Variants in FHIT observed in about 807,000 individuals in gnomAD.
FHIT encodes bis(5'-adenosyl)-triphosphatase.
Under a neutral mutation model 17.9 loss-of-function variants are expected in FHIT, and 19 were observed. The observed-to-expected ratio is 1.06, with a 90% CI of 0.74 to 1.56. The LOEUF (loss-of-function observed/expected upper bound fraction) is 1.56. FHIT is among the 40% of genes most tolerant of loss of function. FHIT has a pLI of 0.00. For missense variants in FHIT, 248 were observed against 189.2 expected (o/e 1.31, Z -1.82); for synonymous variants, 81 against 69.7 (o/e 1.16, Z -0.81).
At chr3:61,010,330 C>T (rs995506045) in intron 3 of FHIT, among the ~76,000 whole-genome samples, 2 of 152,110 alleles carry the variant, frequency 1.3e-5, no homozygotes, top group African/African-American at 4.8e-5. Context: ...CCATATTTTC[C>T]ACTTAGGGTA....
At position 61,197,731 on chromosome 3, in the gene FHIT, C is replaced by T. The variant is rs575596894; in HGVS notation, c.-164+2886G>A. ...GTAGACAAATGTCTAAAGAATATACCTGTTGTGTTTGGGGTTGCTGGGGGT... is the reference window on the plus strand; with the variant it reads ...GTAGACAAATGTCTAAAGAATATACTTGTTGTGTTTGGGGTTGCTGGGGGT... On this transcript the variant is annotated intron_variant, in intron 2 of 9. Transcript: ENST00000492590. Among the ~76,000 whole-genome samples, 216 of 152,174 alleles carry T rather than the reference C, an allele frequency of 1.4e-3. 1 individual carries two copies. The highest frequency in any genetic ancestry group is 5.1e-3 in the African/African-American group (211 of 41,528).
At chr3:60,263,716 G>T (rs1706420278) in intron 5 of FHIT, among the ~76,000 whole-genome samples, 1 of 151,926 alleles carries the variant, frequency 6.6e-6, no homozygotes, top group African/African-American at 2.4e-5. Flanking sequence ...TTATTGATTT[G>T]ATGACAGTAT....
intron 7 of FHIT, among the ~76,000 whole-genome samples, chr3:59,959,608 T>C (rs1345468600): frequency 6.6e-6 from 1 of 152,188 alleles, no homozygotes; most frequent in Non-Finnish European, 1.5e-5. Flanking sequence ...ATCTCTCCAC[T>C]CAGTCACTGT....
Position 60,747,709 on chromosome 3 carries a change from T to C in FHIT, c.-18+74210A>G, listed in dbSNP as rs377697143. On this transcript the variant is annotated intron_variant, in intron 4 of 9. Coordinates refer to ENST00000492590, the MANE Select transcript of FHIT (RefSeq NM_002012.4). Reference sequence around the variant, plus strand: ...ACAGAATCAACGACAATTCAATGTGTGTTCATGACACAAGTCCTGTGTTAG... The same window carrying C: ...ACAGAATCAACGACAATTCAATGTGCGTTCATGACACAAGTCCTGTGTTAG... Among the ~76,000 whole-genome samples the C allele has an allele frequency of 2.9e-4, 44 of 152,338 alleles. No homozygotes were observed. In the South Asian group the frequency reaches 6.8e-3, roughly 24 times the overall value.
chr3:61,014,569 G>C (rs908007198), intron 3 of FHIT, among the ~76,000 whole-genome samples: 1 of 151,462 alleles, frequency 6.6e-6, no homozygotes, highest in Non-Finnish European at 1.5e-5. Flanking sequence ...CATGAGGTCA[G>C]GAGATTGAGA....
intron 3 of FHIT, among the ~76,000 whole-genome samples, chr3:60,886,053 A>T (rs1007610054): frequency 3.3e-5 from 5 of 152,350 alleles, no homozygotes; most frequent in South Asian, 2.1e-4. Context: ...TATCTGTTGC[A>T]CAAATGAATA....
chr3:60,503,612 C>A (rs2034609534), intron 5 of FHIT, among the ~76,000 whole-genome samples: 1 of 152,004 alleles, frequency 6.6e-6, no homozygotes, highest in Admixed American at 6.5e-5. Context: ...TATTCAAAAC[C>A]AGGTGAAATA....
At chr3:60,497,398 A>G (rs1372466727) in intron 5 of FHIT, among the ~76,000 whole-genome samples, 2 of 152,238 alleles carry the variant, frequency 1.3e-5, no homozygotes, top group East Asian at 1.9e-4. Flanking sequence ...GTACATTCTT[A>G]TATTTGAAAT....
intron 5 of FHIT, among the ~76,000 whole-genome samples, chr3:60,171,511 G>C (rs1213836138): frequency 6.6e-6 from 1 of 152,090 alleles, no homozygotes; most frequent in Non-Finnish European, 1.5e-5. Flanking sequence ...CTGAATTGCT[G>C]AATTTCTGAA....
At chr3:60,338,262 A>T (rs1302757748) in intron 5 of FHIT, among the ~76,000 whole-genome samples, 1 of 152,220 alleles carries the variant, frequency 6.6e-6, no homozygotes, top group African/African-American at 2.4e-5. Context: ...GTCCAATGCT[A>T]TAACAGTGTA....
At chr3:59,949,908 A>G (rs1355180416) in intron 7 of FHIT, among the ~76,000 whole-genome samples, 2 of 152,204 alleles carry the variant, frequency 1.3e-5, no homozygotes, top group Non-Finnish European at 2.9e-5. Flanking sequence ...ACAAATCACA[A>G]CAACAATGCA....
chr3:60,123,182 G>A (rs1705336278), intron 5 of FHIT, among the ~76,000 whole-genome samples: 1 of 152,182 alleles, frequency 6.6e-6, no homozygotes, highest in Non-Finnish European at 1.5e-5. Context: ...AACAGTTACA[G>A]TTGGACACTT....
intron 5 of FHIT, among the ~76,000 whole-genome samples, chr3:60,522,534 G>A (rs982855423): frequency 1.3e-5 from 2 of 152,210 alleles, no homozygotes; most frequent in Admixed American, 6.5e-5. Context: ...AGTTGCGGGA[G>A]TGATAAACAA....
intron 8 of FHIT, among the ~76,000 whole-genome samples, chr3:59,857,922 G>T (rs1379120935): frequency 2.0e-5 from 3 of 152,070 alleles, no homozygotes; most frequent in African/African-American, 7.2e-5. Flanking sequence ...GTTTAGAGTA[G>T]AACTTACGGG....
intron 4 of FHIT, among the ~76,000 whole-genome samples, chr3:60,547,987 A>G (rs995625595): frequency 6.6e-6 from 1 of 152,162 alleles, no homozygotes; most frequent in Non-Finnish European, 1.5e-5. Context: ...ACATCCAACT[A>G]AAGTAACGAA....
intron 5 of FHIT, among the ~76,000 whole-genome samples, chr3:60,193,269 C>A (rs1395804021): frequency 6.6e-6 from 1 of 152,118 alleles, no homozygotes; most frequent in Non-Finnish European, 1.5e-5. Context: ...AATGGACCTG[C>A]ATCAGAAGAC....
chr3:60,779,491 A>G (rs1700312099), intron 4 of FHIT, among the ~76,000 whole-genome samples: 2 of 152,146 alleles, frequency 1.3e-5, no homozygotes, highest in Admixed American at 1.3e-4. Flanking sequence ...CCTTTTTGGG[A>G]AAGTAAGACC....
chr3:60,115,751 T>C (rs1416478583), intron 5 of FHIT, among the ~76,000 whole-genome samples: 1 of 152,172 alleles, frequency 6.6e-6, no homozygotes, highest in Non-Finnish European at 1.5e-5. Flanking sequence ...TTTTCAATAC[T>C]TCATAAAATG....
intron 3 of FHIT, among the ~76,000 whole-genome samples, chr3:60,840,711 C>G (rs1553744871): frequency 6.6e-6 from 1 of 152,278 alleles, no homozygotes; most frequent in East Asian, 1.9e-4. Context: ...AGGGCTTTCT[C>G]TTATAATTAT....
Sources: allele counts gnomAD v4.1 joint callset (sites outside exome capture counted in the v4.1 genomes callset), GRCh38; gene constraint gnomAD v4.1.1; transcripts MANE v1.5; gene names NCBI Gene and HGNC (gene_info 2026-07-23, HGNC 2026-07-21).